The following MTMR7 variants were observed in gnomAD, a reference collection of about 807,000 sequenced individuals.
MTMR7 encodes the protein myotubularin related protein 7.
A neutral mutation model predicts 81.2 loss-of-function variants in MTMR7; 76 were observed. That is an observed-to-expected ratio of 0.94 (90% CI 0.78 to 1.13). MTMR7 has a LOEUF of 1.13. MTMR7 is among the 50% of genes most tolerant of loss of function. The pLI is 0.00. For missense variants in MTMR7, 1,044 were observed against 820.0 expected (o/e 1.27, Z -3.34); for synonymous variants, 372 against 289.8 (o/e 1.28, Z -2.88).
At chr8:17,365,709 T>TA (rs1820205759) in intron 3 of MTMR7, among the ~76,000 whole-genome samples, 1 of 152,166 alleles carries the variant, frequency 6.6e-6, no homozygotes, top group Admixed American at 6.5e-5. Context: ...CTTTAATTTT[T>TA]AAAAAACATT....
At chr8:17,303,758 C>T (rs1430896626) in intron 12 of MTMR7, among the ~76,000 whole-genome samples, 1 of 152,068 alleles carries the variant, frequency 6.6e-6, no homozygotes, top group Non-Finnish European at 1.5e-5. Context: ...TACAGGCGCT[C>T]ACCACCATGC....
chr8:17,347,891 C>T (rs1213413842), intron 5 of MTMR7, among the ~76,000 whole-genome samples: 1 of 152,148 alleles, frequency 6.6e-6, no homozygotes, highest in Non-Finnish European at 1.5e-5. Context: ...CAACATTAGC[C>T]CTCCGTCACC....
chr8:17,389,594 T>C (rs1012644548), intron 1 of MTMR7, among the ~76,000 whole-genome samples: 1 of 152,152 alleles, frequency 6.6e-6, no homozygotes, highest in African/African-American at 2.4e-5. Flanking sequence ...TGAATGAAAA[T>C]TAACAGTACT....
chr8:17,333,240 G>GA (rs1431640438), intron 6 of MTMR7, among the ~76,000 whole-genome samples: 1 of 151,898 alleles, frequency 6.6e-6, no homozygotes, highest in African/African-American at 2.4e-5. Flanking sequence ...CCTTAATCAA[G>GA]AAAAAAATAT....
chr8:17,394,577 G>A (rs971550700), intron 1 of MTMR7, among the ~76,000 whole-genome samples: 4 of 152,068 alleles, frequency 2.6e-5, no homozygotes, highest in African/African-American at 9.7e-5. Flanking sequence ...GTTTCTTTTT[G>A]GGGTGGTGAA....
intron 4 of MTMR7, among the ~76,000 whole-genome samples, chr8:17,350,760 G>T (rs1394911510): frequency 6.6e-6 from 1 of 152,182 alleles, no homozygotes; most frequent in Non-Finnish European, 1.5e-5. Flanking sequence ...GACCTCCACT[G>T]TCTTTGTTAG....
rs754170659 is a variant in MTMR7, at chr8:17,300,211, A to T, written c.1634T>A (p.Ile545Asn). The change falls in exon 14 of 14, where the codon ATT becomes AAT. Residue 545 changes from isoleucine to asparagine, a missense_variant. Coordinates refer to ENST00000180173, the MANE Select transcript of MTMR7 (RefSeq NM_004686.5). ...LEALEERLEK[I>N]QKVQLNCTKV... Reference sequence around the variant, plus strand: ...AGTGCAATTTAACTGGACCTTTTGAATTTTTTCCAGCCTCTAAGAAAGAAA... The same window carrying T: ...AGTGCAATTTAACTGGACCTTTTGATTTTTTTCCAGCCTCTAAGAAAGAAA... 1.2e-6 allele frequency: 2 copies of T among 1,602,084 alleles called. No individual in the cohort carries two copies. Among genetic ancestry groups the T allele is most frequent in the Admixed American group, 1.7e-5 (1 of 58,028 alleles).
chr8:17,339,883 T>G lies in MTMR7; in HGVS notation c.732+1480A>C, dbSNP rs1268756314. 2.6e-5 allele frequency among the ~76,000 whole-genome samples: 4 copies of G among 152,248 alleles called. No individual in the cohort carries two copies. The East Asian group carries it at 7.7e-4, about 29-fold the overall frequency. ...AACTCTAACTTACGAAGTGAAAAGT[T>G]TCCTAAAATGAACTTCTCACCCCAC... On this transcript the variant is annotated intron_variant, in intron 6 of 13. Coordinates refer to ENST00000180173, the MANE Select transcript of MTMR7 (RefSeq NM_004686.5).
intron 7 of MTMR7, among the ~76,000 whole-genome samples, chr8:17,322,557 T>G (rs1398273390): frequency 1.3e-5 from 2 of 152,196 alleles, no homozygotes; most frequent in African/African-American, 4.8e-5. Context: ...CATTGGGTCA[T>G]GCCTGTAATC....
rs144496846 is a variant in MTMR7 at position 17,370,492 on chromosome 8, T to C, written c.310+545A>G. 5.8e-3 allele frequency among the ~76,000 whole-genome samples: 824 copies of C among 141,396 alleles called. 24 individuals carry two copies. In the East Asian group the frequency reaches 0.068, roughly 12 times the overall value. The allele number at this position is 141,396 out of a possible 152,430, so 92.8% of individuals were successfully genotyped here. A position where few individuals can be genotyped will look rare whatever the true frequency, so the allele number is the denominator to read the frequency against. ...CTGAGATTGCACCAGGAGGCAGAGG[T>C]TGCAGTGAGCTGAGATTGCACCACT... On this transcript the variant is annotated intron_variant, in intron 3 of 13. Transcript: ENST00000180173.
At chr8:17,371,258 G>A (rs1224168890) in intron 2 of MTMR7, 59 bp from the exon 3 acceptor site, 5 of 1,532,778 alleles carry the variant, frequency 3.3e-6, no homozygotes, top group Admixed American at 1.9e-5. Context: ...ATACGACAAG[G>A]ACTAACATTT....
intron 1 of MTMR7, among the ~76,000 whole-genome samples, chr8:17,412,927 C>A (rs2150591890): frequency 6.6e-6 from 1 of 152,292 alleles, no homozygotes; most frequent in Admixed American, 6.5e-5. Flanking sequence ...CGGCCAACAG[C>A]TAAAAGAGAA....
At chr8:17,384,235 A>T (rs1820856049) in intron 1 of MTMR7, among the ~76,000 whole-genome samples, 1 of 151,916 alleles carries the variant, frequency 6.6e-6, no homozygotes, top group Non-Finnish European at 1.5e-5. Flanking sequence ...ACAAGATGAG[A>T]TCCCCATCTC....
At chr8:17,328,213 C>A (rs1318450582) in intron 7 of MTMR7, among the ~76,000 whole-genome samples, 1 of 141,258 alleles carries the variant, frequency 7.1e-6, no homozygotes, top group African/African-American at 2.9e-5. Flanking sequence ...TGCCTGCTGA[C>A]CTTCAGGGCA....
In MTMR7 at chr8:17,413,270, T is replaced by C. The variant is rs759552588; in HGVS notation, c.23A>G (p.Lys8Arg). 2 of 1,548,220 alleles carry C rather than the reference T, an allele frequency of 1.3e-6. No homozygotes were observed. Among genetic ancestry groups the C allele is most frequent in the Non-Finnish European group, 1.7e-6 (2 of 1,145,066 alleles). ...TCCGCCCGCGCTGGTGTCACCAACCTTGGGCGTACGGATGTGCTCCATGGC... is the reference window on the plus strand; with the variant it reads ...TCCGCCCGCGCTGGTGTCACCAACCCTGGGCGTACGGATGTGCTCCATGGC... Reference protein sequence around the residue: MEHIRTPKVENVRLVDRV... With the variant: MEHIRTPRVENVRLVDRV... The change falls in exon 1 of 14, where the codon AAG becomes AGG. Residue 8 changes from lysine (K) to arginine (R), a missense_variant and splice_region_variant. Coordinates refer to ENST00000180173, the MANE Select transcript of MTMR7 (RefSeq NM_004686.5).
chr8:17,333,167 T>C (rs1274031886), intron 6 of MTMR7, among the ~76,000 whole-genome samples: 1 of 152,190 alleles, frequency 6.6e-6, no homozygotes, highest in Admixed American at 6.5e-5. Flanking sequence ...CTCAGGACAC[T>C]GTTCCCATCC....
At chr8:17,303,190 A>G (rs1817239527) in intron 12 of MTMR7, among the ~76,000 whole-genome samples, 4 of 152,314 alleles carry the variant, frequency 2.6e-5, no homozygotes, top group African/African-American at 4.8e-5. Flanking sequence ...TTGATCCTCA[A>G]TAAAATATGT....
chr8:17,398,178 A>C (rs1821317721), intron 1 of MTMR7, among the ~76,000 whole-genome samples: 1 of 152,208 alleles, frequency 6.6e-6, no homozygotes, highest in Admixed American at 6.5e-5. Flanking sequence ...CATCCAGGAA[A>C]ACATGACTTT....
Position 17,299,942 on chromosome 8 carries a change from G to T in MTMR7, c.1903C>A (p.Pro635Thr), listed in dbSNP as rs759133119. 3.1e-6 allele frequency: 5 copies of T among 1,614,102 alleles called. No individual in the cohort carries two copies. The highest frequency in any genetic ancestry group is 4.2e-6 in the Non-Finnish European group (5 of 1,179,992). The stretch of plus-strand genomic sequence containing the variant: ...CTCGGTGCATGCTCACCACCACTTG[G>T]AGACCGACAGCTCAAATCCTCCACC... ...SGVEDLSCRS[P>T]SGGEHAPSED... Residue 635 changes from proline to threonine, a missense_variant, in exon 14 of 14, where the codon CCA becomes ACA. Coordinates refer to ENST00000180173, the MANE Select transcript of MTMR7 (RefSeq NM_004686.5).
Sources: allele counts gnomAD v4.1 joint callset (sites outside exome capture counted in the v4.1 genomes callset), GRCh38; gene constraint gnomAD v4.1.1; transcripts MANE v1.5; gene names NCBI Gene and HGNC (gene_info 2026-07-23, HGNC 2026-07-21).